The following TMEM132D variants were observed in gnomAD, a reference collection of about 807,000 sequenced individuals.
The protein encoded by TMEM132D is transmembrane protein 132D, also known as mature OL transmembrane protein.
A neutral mutation model predicts 62.3 loss-of-function variants in TMEM132D; 21 were observed. That is an observed-to-expected ratio of 0.34 (90% CI 0.24 to 0.49). The LOEUF is 0.49. TMEM132D is among the 20% of genes least tolerant of loss of function. The pLI is 0.99. For synonymous variants in TMEM132D, 621 were observed against 575.6 expected, an observed-to-expected ratio of 1.08 and a Z score of -1.13; for missense variants, 1,346 against 1,402.8, an observed-to-expected ratio of 0.96 and a Z score of 0.65.
At chr12:129,119,995 G>A (rs1284081788) in intron 5 of TMEM132D, among the ~76,000 whole-genome samples, 1 of 152,060 alleles carries the variant, frequency 6.6e-6, no homozygotes, top group Non-Finnish European at 1.5e-5. Context: ...CTAAGGGTAT[G>A]TAGGAAGAGG....
intron 5 of TMEM132D, among the ~76,000 whole-genome samples, chr12:129,127,044 C>T (rs937157255): frequency 2.0e-5 from 3 of 152,186 alleles, no homozygotes; most frequent in Admixed American, 6.5e-5. Context: ...AGAGGGAAAA[C>T]ATTTTGTGCC....
At chr12:129,877,579 C>T (rs1874459626) in intron 1 of TMEM132D, among the ~76,000 whole-genome samples, 1 of 151,916 alleles carries the variant, frequency 6.6e-6, no homozygotes, top group Admixed American at 6.6e-5. Context: ...AGAATAGCGG[C>T]TTAATAATAC....
At chr12:129,640,307 C>A (rs568558599) in intron 2 of TMEM132D, among the ~76,000 whole-genome samples, 3 of 152,258 alleles carry the variant, frequency 2.0e-5, no homozygotes, top group African/African-American at 4.8e-5. Flanking sequence ...AACATAAAAG[C>A]GTGGATTTTC....
At chr12:129,757,046 A>G (rs1870190127) in intron 1 of TMEM132D, among the ~76,000 whole-genome samples, 1 of 152,198 alleles carries the variant, frequency 6.6e-6, no homozygotes, top group East Asian at 1.9e-4. Context: ...CTTGGGGGTT[A>G]CAAACAAACA....
intron 1 of TMEM132D, among the ~76,000 whole-genome samples, chr12:129,763,653 G>C (rs763733589): frequency 6.6e-6 from 1 of 152,004 alleles, no homozygotes; most frequent in Non-Finnish European, 1.5e-5. Context: ...GTTTTGAGAC[G>C]TTTGACTGCC....
At chr12:129,307,653 T>A (rs1881876583) in intron 4 of TMEM132D, among the ~76,000 whole-genome samples, 1 of 151,976 alleles carries the variant, frequency 6.6e-6, no homozygotes, top group Admixed American at 6.6e-5. Flanking sequence ...CCCTCAACAC[T>A]CACATAACCC....
intron 5 of TMEM132D, among the ~76,000 whole-genome samples, chr12:129,201,811 AG>A (rs1878711262): frequency 6.6e-6 from 1 of 152,090 alleles, no homozygotes; most frequent in Admixed American, 6.5e-5. Flanking sequence ...AGAGGAAGAG[AG>A]GGGATGTTCC....
At chr12:129,153,144 C>T (rs1453917846) in intron 5 of TMEM132D, among the ~76,000 whole-genome samples, 3 of 152,192 alleles carry the variant, frequency 2.0e-5, no homozygotes, top group African/African-American at 7.2e-5. Flanking sequence ...AATCCCAACC[C>T]TCGAGTCCTT....
At chr12:129,308,538 A>G (rs1881897028) in intron 4 of TMEM132D, among the ~76,000 whole-genome samples, 1 of 152,248 alleles carries the variant, frequency 6.6e-6, no homozygotes, top group African/African-American at 2.4e-5. Context: ...ATAAACAAGC[A>G]GGGCTTACTT....
In TMEM132D at chr12:129,078,536, G is replaced by T; in HGVS notation, c.2113C>A (p.Gln705Lys). The T allele has an allele frequency of 6.2e-7, 1 of 1,613,366 alleles. No homozygotes were observed. Residue 705 changes from glutamine (Q) to lysine (K), a missense_variant and splice_region_variant, in exon 8 of 9, where the codon CAG (glutamine) becomes AAG (lysine). Coordinates refer to ENST00000422113, the MANE Select transcript of TMEM132D (RefSeq NM_133448.3). ...GTGTCTCAAGCCCTCCTCCATACCT[G>T]TTTTGGCCTCTGCAGAAGTTCCTGA... ...VAQELLQRPK[Q>K]EAAISCWVQF...
chr12:129,448,207 G>C (rs1470508723), intron 3 of TMEM132D, among the ~76,000 whole-genome samples: 2 of 152,174 alleles, frequency 1.3e-5, no homozygotes, highest in East Asian at 3.8e-4. Context: ...CTGAGGCTTA[G>C]ACTGGCTAAA....
intron 3 of TMEM132D, among the ~76,000 whole-genome samples, chr12:129,445,621 C>G (rs1269294299): frequency 1.3e-5 from 2 of 152,100 alleles, no homozygotes; most frequent in African/African-American, 4.8e-5. Context: ...CCCCTGGATC[C>G]AGCTGTGCCT....
At chr12:129,664,652 C>T (rs1880331464) in intron 2 of TMEM132D, among the ~76,000 whole-genome samples, 1 of 151,954 alleles carries the variant, frequency 6.6e-6, no homozygotes, top group Admixed American at 6.6e-5. Flanking sequence ...GTCTCGATCC[C>T]CTGAACTCAT....
chr12:129,841,463 A>C (rs911706098), intron 1 of TMEM132D, among the ~76,000 whole-genome samples: 2 of 152,206 alleles, frequency 1.3e-5, no homozygotes, highest in African/African-American at 2.4e-5. Flanking sequence ...AGGGCTGCTC[A>C]GAAAAAAACT....
intron 3 of TMEM132D, among the ~76,000 whole-genome samples, chr12:129,480,944 C>T (rs1037549009): frequency 2.6e-5 from 4 of 152,118 alleles, no homozygotes; most frequent in African/African-American, 4.8e-5. Flanking sequence ...ACCCGGACCC[C>T]TTTGCTGGGG....
intron 3 of TMEM132D, among the ~76,000 whole-genome samples, chr12:129,344,147 A>T (rs1869606902): frequency 6.6e-6 from 1 of 152,024 alleles, no homozygotes; most frequent in Non-Finnish European, 1.5e-5. Flanking sequence ...TTGTTAATAA[A>T]CTTGCTTTTG....
At chr12:129,370,679 A>G (rs1255010725) in intron 3 of TMEM132D, among the ~76,000 whole-genome samples, 2 of 152,246 alleles carry the variant, frequency 1.3e-5, no homozygotes, top group African/African-American at 4.8e-5. Flanking sequence ...GTTTATAGAC[A>G]CAGTGGAATA....
intron 3 of TMEM132D, among the ~76,000 whole-genome samples, chr12:129,460,106 T>C (rs1873611167): frequency 6.6e-6 from 1 of 152,190 alleles, no homozygotes; most frequent in African/African-American, 2.4e-5. Flanking sequence ...GACATCATAG[T>C]ACGGCCACAA....
chr12:129,717,139 T>C (rs1245499603), intron 1 of TMEM132D, among the ~76,000 whole-genome samples: 1 of 152,154 alleles, frequency 6.6e-6, no homozygotes, highest in African/African-American at 2.4e-5. Context: ...ACTTGAGGCA[T>C]GCACAACCTG....
Sources: allele counts gnomAD v4.1 joint callset (sites outside exome capture counted in the v4.1 genomes callset), GRCh38; gene constraint gnomAD v4.1.1; transcripts MANE v1.5; gene names NCBI Gene and HGNC (gene_info 2026-07-23, HGNC 2026-07-21).